ADAMTS7: variants seen among roughly 807,000 people sequenced by gnomAD.
The protein encoded by ADAMTS7 is ADAM metallopeptidase with thrombospondin type 1 motif 7.
In ADAMTS7, 89 loss-of-function variants were observed where a neutral mutation model predicts 172.6. That is an observed-to-expected ratio of 0.52 (90% CI 0.43 to 0.61). The LOEUF is 0.61. Among genes scored for constraint, ADAMTS7 ranks in the 20% least tolerant of loss-of-function variants. The pLI is 0.00. For missense variants in ADAMTS7, 1,973 were observed against 2,355.6 expected (o/e 0.84, Z 3.36); for synonymous variants, 885 against 978.4 (o/e 0.90, Z 1.78).
Position 78,762,403 on chromosome 15 carries a change from G to A in ADAMTS7, c.4903C>T (p.Arg1635Cys), listed in dbSNP as rs771105830. The change falls in exon 23 of 24, where the codon CGC becomes TGC. Residue 1635 changes from arginine to cysteine, a missense_variant and splice_region_variant. Around this residue, in one of 8 missense-constraint regions of ADAMTS7, gnomAD observed 94 missense variants for 95.4 expected, o/e 0.99. Transcript: ENST00000388820. ...GGGAGCCTGGGGTCAGGGGACTCAC[G>A]GGGAGGCTCGACGGGCTCACAATCC... ...TEDCEPVEPP[R>C]CERDRLSFGF... is the part of the protein sequence containing the mutation. 4.8e-6 allele frequency: 7 copies of A among 1,462,286 alleles called. No homozygotes were observed. Among genetic ancestry groups the A allele is most frequent in the Non-Finnish European group, 6.4e-6 (7 of 1,102,304 alleles). The allele number at this position is 1,462,286 out of a possible 1,614,324, so 90.6% of individuals were successfully genotyped here.
intron 1 of ADAMTS7, among the ~76,000 whole-genome samples, chr15:78,802,983 T>C (rs1332231113): frequency 3.3e-5 from 5 of 151,622 alleles, no homozygotes; most frequent in Non-Finnish European, 7.4e-5. Context: ...GGCGACAGAG[T>C]GAGACCCTGC....
chr15:78,794,385 C>T (rs1216518932), intron 4 of ADAMTS7, among the ~76,000 whole-genome samples: 1 of 152,288 alleles, frequency 6.6e-6, no homozygotes, highest in Non-Finnish European at 1.5e-5. Context: ...GTCCAGGCTT[C>T]CTCAGAGGCT....
intron 1 of ADAMTS7, 148 bp from the exon 2 acceptor site, chr15:78,800,695 C>T (rs1424361600): frequency 1.4e-6 from 1 of 708,556 alleles, no homozygotes. Flanking sequence ...ACTAACTCTG[C>T]TATTTCATCT....
intron 23 of ADAMTS7, among the ~76,000 whole-genome samples, chr15:78,760,342 C>T (rs1359733562): frequency 6.6e-6 from 1 of 152,196 alleles, no homozygotes; most frequent in African/African-American, 2.4e-5. Context: ...ACTGCCACTG[C>T]TGACAGCCCC....
rs1179983160 is a variant in ADAMTS7, at chr15:78,766,985, G to C, written c.2926C>G (p.Pro976Ala). ...GCTGGCTGCTGGGCCTCGTCACAGG[G>C]GACACCGGTGTCATTGGTGCAGAGG... ...NVLCTNDTGV[P>A]CDEAQQPASE... Residue 976 changes from proline to alanine, a missense_variant, in exon 19 of 24, where the codon CCC (proline) becomes GCC (alanine). Physicochemically the swap from Pro to Ala is conservative, Grantham distance 27. Transcript: ENST00000388820. The C allele has an allele frequency of 3.1e-6, 5 of 1,606,564 alleles. No individual in the cohort carries two copies. Among genetic ancestry groups the C allele is most frequent in the Non-Finnish European group, 4.2e-6 (5 of 1,177,270 alleles).
At chr15:78,790,925 C>T (rs2055571929) in intron 5 of ADAMTS7, 131 bp from the exon 6 acceptor site, 1 of 1,429,396 alleles carries the variant, frequency 7.0e-7, no homozygotes, top group Non-Finnish European at 9.6e-7. Flanking sequence ...ACCAGTCGAG[C>T]TTCCAGCCTG....
At chr15:78,783,065 A>G (rs1425437802) in intron 8 of ADAMTS7, among the ~76,000 whole-genome samples, 1 of 152,212 alleles carries the variant, frequency 6.6e-6, no homozygotes, top group Non-Finnish European at 1.5e-5. Flanking sequence ...ACACTCTCCC[A>G]GGAAAAGCCT....
Position 78,774,228 on chromosome 15 carries a change from T to C in ADAMTS7, c.1949A>G (p.Asp650Gly). Residue 650 changes from aspartate (D) to glycine (G), a missense_variant, in exon 13 of 24, where the codon GAT (aspartate) becomes GGT (glycine). Asp to Gly is a moderately conservative substitution (Grantham distance 94). Around this residue, in one of 8 missense-constraint regions of ADAMTS7, gnomAD observed 526 missense variants for 662.9 expected, o/e 0.79. Transcript: ENST00000388820. The part of the protein sequence containing the change: ...FAEKLRDAVV[D>G]GTPCYQVRAS... ...TCGGACCTGGTAGCAGGGGGTGCCA[T>C]CGACCACGGCGTCCCGCAGCTTCTC... 1 of 1,587,632 alleles carries C rather than the reference T, an allele frequency of 6.3e-7. No homozygotes were observed. The highest frequency in any genetic ancestry group is 8.5e-7 in the Non-Finnish European group (1 of 1,175,888).
chr15:78,759,334 C>T lies in ADAMTS7; in HGVS notation c.*87G>A. ...CTGCTGGGTAGTGAGAGGGGGTTAG[C>T]ACCATTAGGGCGCAGGGGGCGGGAG... On this transcript the variant is annotated 3_prime_UTR_variant, in exon 24 of 24. Transcript: ENST00000388820. 3 of 1,376,580 alleles carry T rather than the reference C, an allele frequency of 2.2e-6. No homozygotes were observed. Among genetic ancestry groups the T allele is most frequent in the Non-Finnish European group, 1.9e-6 (2 of 1,038,218 alleles). 85.3% of individuals were successfully genotyped at this position (1,376,580 alleles called of 1,614,324 possible). A position where few individuals can be genotyped will look rare whatever the true frequency, so the allele number is the denominator to read the frequency against.
chr15:78,790,872 G>C, intron 5 of ADAMTS7, 78 bp from the exon 6 acceptor site: 1 of 1,584,492 alleles, frequency 6.3e-7, no homozygotes, highest in Non-Finnish European at 8.6e-7. Context: ...CCATACGAAG[G>C]CAGGAGACAG....
intron 23 of ADAMTS7, among the ~76,000 whole-genome samples, chr15:78,761,032 G>T (rs2055035362): frequency 6.6e-6 from 1 of 152,186 alleles, no homozygotes; most frequent in East Asian, 1.9e-4. Flanking sequence ...TGAGAGACGT[G>T]GTGCCAGCAC....
intron 16 of ADAMTS7, among the ~76,000 whole-genome samples, chr15:78,770,409 A>G (rs982865296): frequency 2.8e-5 from 4 of 145,024 alleles, no homozygotes; most frequent in African/African-American, 5.2e-5. Flanking sequence ...GGGGAGAACT[A>G]AGAGACAAAG....
In ADAMTS7 at chr15:78,766,540, A is replaced by G. The variant is rs200298138; in HGVS notation, c.3371T>C (p.Val1124Ala). The G allele has an allele frequency of 7.0e-3, 10,854 of 1,558,990 alleles. 447 individuals carry two copies. Among genetic ancestry groups the G allele is most frequent in the Admixed American group, 8.1e-3 (464 of 57,310 alleles). ...AGGGCTCGGGGACCAAGGTCCCAGT[A>G]CCCCCTCCTCCTTGGCTGCAGGAGG... ...TEPPAAKEEG[V>A]LGPWSPSPWP... The change falls in exon 19 of 24, where the codon GTA becomes GCA. Residue 1124 changes from valine to alanine, a missense_variant. By Grantham distance (64) the Val-to-Ala change is moderately conservative (BLOSUM62 0). Coordinates refer to ENST00000388820, the MANE Select transcript of ADAMTS7 (RefSeq NM_014272.5).
chr15:78,808,455 C>T (rs1231587935), intron 1 of ADAMTS7, among the ~76,000 whole-genome samples: 1 of 152,064 alleles, frequency 6.6e-6, no homozygotes, highest in African/African-American at 2.4e-5. Context: ...AGGCTGGTTT[C>T]GAACTCCTGG....
chr15:78,759,320 T>A lies in ADAMTS7; in HGVS notation c.*101A>T, dbSNP rs993996681. Reference sequence around the variant, plus strand: ...AGGTCCCCAGCCTGCTGCTGGGTAGTGAGAGGGGGTTAGCACCATTAGGGC... The same window carrying A: ...AGGTCCCCAGCCTGCTGCTGGGTAGAGAGAGGGGGTTAGCACCATTAGGGC... On this transcript the variant is annotated 3_prime_UTR_variant, in exon 24 of 24. Transcript: ENST00000388820. The A allele has an allele frequency of 2.5e-5, 29 of 1,181,732 alleles. No homozygotes were observed. Among genetic ancestry groups the A allele is most frequent in the African/African-American group, 1.6e-5 (1 of 63,924 alleles). 73.2% of individuals were successfully genotyped at this position (1,181,732 alleles called of 1,614,324 possible).
chr15:78,772,510 TC>T (rs1376526738), intron 14 of ADAMTS7, among the ~76,000 whole-genome samples: 1 of 152,180 alleles, frequency 6.6e-6, no homozygotes, highest in Non-Finnish European at 1.5e-5. Context: ...TCTTCTTTCC[TC>T]CATTTGGAAT....
Position 78,759,359 on chromosome 15 carries a change from G to T in ADAMTS7, c.*62C>A. The T allele has an allele frequency of 5.4e-6, 8 of 1,492,912 alleles. No individual in the cohort carries two copies. The highest frequency in any genetic ancestry group is 7.1e-6 in the Non-Finnish European group (8 of 1,118,970). 92.5% of individuals were successfully genotyped at this position (1,492,912 alleles called of 1,614,324 possible). ...CACCATTAGGGCGCAGGGGGCGGGA[G>T]CTCCGCCACAGCCCGTGGTGGGCAC... On this transcript the variant is annotated 3_prime_UTR_variant, in exon 24 of 24. Transcript: ENST00000388820.
intron 1 of ADAMTS7, among the ~76,000 whole-genome samples, chr15:78,804,393 A>T (rs187675684): frequency 2.4e-4 from 37 of 152,246 alleles, no homozygotes; most frequent in African/African-American, 8.7e-4. Flanking sequence ...GAGCACAGTT[A>T]GGGAACTTGG....
chr15:78,800,455 G>T lies in ADAMTS7; in HGVS notation c.193C>A (p.Arg65Ser). 6.2e-7 allele frequency: 1 copy of T among 1,610,968 alleles called. No individual in the cohort carries two copies. The highest frequency in any genetic ancestry group is 2.2e-5 in the East Asian group (1 of 44,792). The part of the protein sequence containing the change: ...GSFLSYELWP[R>S]ALRKRDVSVR... ...GATACATCCCGCTTGCGCAGTGCGC[G>T]GGGCCACAGCTCGTAGGACAGGAAG... is the stretch of plus-strand genomic sequence containing the variant. The change falls in exon 2 of 24, where the codon CGC becomes AGC. Residue 65 changes from arginine (R) to serine (S), a missense_variant. Physicochemically the swap from Arg to Ser is moderately radical, Grantham distance 110 (BLOSUM62 -1). Transcript: ENST00000388820.
Sources: gnomAD v4.1 joint callset for allele counts (sites outside exome capture counted in the v4.1 genomes callset) on GRCh38, gnomAD v4.1.1 for gene constraint, gnomAD v4.1.1 regional missense constraint, MANE v1.5 for transcripts, NCBI Gene and HGNC (gene_info 2026-07-23, HGNC 2026-07-21) for gene names.